CFAP92: variants seen among roughly 807,000 people sequenced by gnomAD.
CFAP92 encodes cilia and flagella associated protein 92 (putative).
A neutral mutation model predicts 106.3 loss-of-function variants in CFAP92; 86 were observed. That is an observed-to-expected ratio of 0.81 (90% CI 0.68 to 0.97). The LOEUF (loss-of-function observed/expected upper bound fraction) is 0.97. CFAP92 is among the 50% of genes least tolerant of loss of function. CFAP92 has a pLI of 0.00. For missense variants in CFAP92, 1,204 were observed against 1,283.8 expected (o/e 0.94, Z 0.95); for synonymous variants, 477 against 506.4 (o/e 0.94, Z 0.78).
intron 1 of CFAP92, among the ~76,000 whole-genome samples, chr3:128,999,301 G>A (rs1024622909): frequency 3.3e-5 from 5 of 152,148 alleles, no homozygotes; most frequent in African/African-American, 4.8e-5. Context: ...AGACAGACAG[G>A]CCTGACAGCA....
rs571959069 is a variant in CFAP92, at chr3:128,999,588, G to T, written n.117+2986C>A. Among the ~76,000 whole-genome samples, 108 of 144,884 alleles carry T rather than the reference G, an allele frequency of 7.5e-4. 1 individual carries two copies. Among genetic ancestry groups the T allele is most frequent in the African/African-American group, 2.8e-3 (108 of 38,030 alleles). ...GAGTCTCGCTCTGTCGCCCAGGCTG[G>T]AGTGCAATGGCAGGATCTCAGCTTA... On this transcript the variant is annotated intron_variant and non_coding_transcript_variant, in intron 1 of 4. Coordinates refer to the CFAP92 transcript ENST00000510149.
At chr3:129,002,246 G>C (rs1022810337) in intron 1 of CFAP92, 2 of 1,531,864 alleles carry the variant, frequency 1.3e-6, no homozygotes, top group East Asian at 2.5e-5. Flanking sequence ...TGGAGGAGGA[G>C]AATAGCAGCT....
At chr3:128,999,589 A>C (rs1225822226) in intron 1 of CFAP92, among the ~76,000 whole-genome samples, 2 of 122,208 alleles carry the variant, frequency 1.6e-5, no homozygotes, top group African/African-American at 6.5e-5. Flanking sequence ...CCCAGGCTGG[A>C]GTGCAATGGC....
chr3:128,990,387 C>T (rs1231636173), intron 2 of CFAP92, among the ~76,000 whole-genome samples: 1 of 151,792 alleles, frequency 6.6e-6, no homozygotes, highest in African/African-American at 2.4e-5. Context: ...GTTCCAGCTG[C>T]TTGGGAGGCT....
At chr3:128,965,102 C>T (rs2107768179) in intron 9 of CFAP92, among the ~76,000 whole-genome samples, 1 of 152,276 alleles carries the variant, frequency 6.6e-6, no homozygotes, top group Non-Finnish European at 1.5e-5. Context: ...TGATTTGTTC[C>T]TGCCCCACCC....
chr3:128,919,129 TA>T (rs953624060), intron 12 of CFAP92, among the ~76,000 whole-genome samples: 1 of 151,924 alleles, frequency 6.6e-6, no homozygotes, highest in African/African-American at 2.4e-5. Flanking sequence ...GTATTTTTAG[TA>T]GAGACAGGGT....
At chr3:129,018,878 A>G in the CFAP92 span, among the ~76,000 whole-genome samples, 1 of 152,096 alleles carries the variant, frequency 6.6e-6, no homozygotes, top group African/African-American at 2.4e-5. Flanking sequence ...TCGGCGCTGG[A>G]GTTCCCACCC....
chr3:128,987,366 G>A (rs1383378664), intron 4 of CFAP92, among the ~76,000 whole-genome samples: 2 of 151,372 alleles, frequency 1.3e-5, no homozygotes, highest in East Asian at 3.9e-4. Flanking sequence ...GGGTGCCTGT[G>A]TCAGAGCTGC....
intron 9 of CFAP92, among the ~76,000 whole-genome samples, chr3:128,952,821 C>G (rs1940944904): frequency 1.3e-5 from 2 of 152,052 alleles, no homozygotes; most frequent in South Asian, 2.1e-4. Flanking sequence ...TGCGGTGGCT[C>G]ACACCTGTAA....
intron 9 of CFAP92, among the ~76,000 whole-genome samples, chr3:128,952,275 G>A (rs1460112405): frequency 6.8e-6 from 1 of 147,000 alleles, no homozygotes; most frequent in African/African-American, 2.6e-5. Context: ...GGCTACAGGT[G>A]TATGCCACCA....
intron 9 of CFAP92, among the ~76,000 whole-genome samples, chr3:128,961,748 A>G (rs940680806): frequency 3.9e-5 from 6 of 152,158 alleles, no homozygotes; most frequent in Non-Finnish European, 5.9e-5. Context: ...TTATTACCCA[A>G]TCTGCTCCCG....
chr3:128,937,469 G>A (rs1187185475), intron 10 of CFAP92, among the ~76,000 whole-genome samples: 2 of 151,896 alleles, frequency 1.3e-5, no homozygotes, highest in Non-Finnish European at 2.9e-5. Context: ...GCGCAGTGGC[G>A]GGTGCCTGTA....
chr3:128,926,989 G>A (rs1937724541), intron 12 of CFAP92, among the ~76,000 whole-genome samples: 1 of 152,110 alleles, frequency 6.6e-6, no homozygotes, highest in Admixed American at 6.5e-5. Context: ...AGCTACTTGA[G>A]AGGCTGAGGC....
At chr3:128,987,524 A>T in intron 4 of CFAP92, 92 bp downstream of exon 4, 2 of 1,113,662 alleles carry the variant, frequency 1.8e-6, no homozygotes, top group Non-Finnish European at 2.7e-6. Context: ...CATGCCAATT[A>T]GATGAAGGAA....
intron 4 of CFAP92, among the ~76,000 whole-genome samples, chr3:128,980,493 G>A (rs1157412705): frequency 6.6e-6 from 1 of 151,912 alleles, no homozygotes; most frequent in African/African-American, 2.4e-5. Context: ...TGAGGGCTGG[G>A]TTCACCTCAC....
chr3:128,970,364 C>G (rs542555085), intron 8 of CFAP92: 256 of 152,324 alleles, frequency 1.7e-3, no homozygotes, highest in Non-Finnish European at 2.9e-3. Context: ...GAGGCTCTGA[C>G]TTACGGGGTT....
chr3:129,003,181 G>T, upstream of CFAP92: 1 of 976,950 alleles, frequency 1.0e-6, no homozygotes, highest in Non-Finnish European at 1.2e-6. Context: ...CAGTGTGCAT[G>T]GAAGCCAGGG....
intron 10 of CFAP92, 145 bp from the exon 11 acceptor site, chr3:128,935,464 C>T (rs928527307): frequency 5.8e-6 from 3 of 516,848 alleles, no homozygotes; most frequent in Admixed American, 6.4e-5. Context: ...ATAATCCCAG[C>T]ACTTTGGGAG....
rs372940847 is a variant in CFAP92, at chr3:128,971,473, C to T, written c.1022-40G>A. ...AAAGGAGATGAGCATTAAGAGGAGACTGTATCTGAGCTGCCATATGTGGAC... is the reference window on the plus strand; with the variant it reads ...AAAGGAGATGAGCATTAAGAGGAGATTGTATCTGAGCTGCCATATGTGGAC... On this transcript the variant is annotated intron_variant, in intron 7 of 15. Transcript: ENST00000645291. 6 of 1,490,360 alleles carry T rather than the reference C, an allele frequency of 4.0e-6. No individual in the cohort carries two copies. The African/African-American group carries it at 8.3e-5, about 21-fold the overall frequency. 92.3% of individuals were successfully genotyped at this position (1,490,360 alleles called of 1,614,324 possible).
Sources: allele counts gnomAD v4.1 joint callset (sites outside exome capture counted in the v4.1 genomes callset), GRCh38; gene constraint gnomAD v4.1.1; transcripts MANE v1.5; gene names NCBI Gene and HGNC (gene_info 2026-07-23, HGNC 2026-07-21).